PKP4: variants seen among roughly 807,000 people sequenced by gnomAD.
PKP4 encodes plakophilin-4.
In PKP4, 90 loss-of-function variants were observed where a neutral mutation model predicts 145.1. The ratio of observed to expected loss-of-function variants is 0.62; its 90% CI spans 0.52 to 0.74. The LOEUF is 0.74. Ranked by LOEUF, PKP4 falls within the 30% of genes least tolerant of loss-of-function variation. The pLI is 0.00. For synonymous variants in PKP4, 563 were observed against 577.2 expected, an observed-to-expected ratio of 0.98 and a Z score of 0.35; for missense variants, 1,340 against 1,482.7, an observed-to-expected ratio of 0.90 and a Z score of 1.58.
chr2:158,652,533 G>C (rs1479227369), intron 11 of PKP4, among the ~76,000 whole-genome samples: 3 of 152,256 alleles, frequency 2.0e-5, no homozygotes, highest in Admixed American at 6.5e-5. Context: ...GCTAGATCCT[G>C]AGTGTTTCAG....
chr2:158,494,899 A>ATT (rs1695459928), intron 1 of PKP4, among the ~76,000 whole-genome samples: 1 of 151,882 alleles, frequency 6.6e-6, no homozygotes, highest in African/African-American at 2.4e-5. Context: ...AAAGTTGTGC[A>ATT]TTTTTAGTAG....
At chr2:158,656,154 C>T (rs748639568) in intron 11 of PKP4, among the ~76,000 whole-genome samples, 25 of 152,096 alleles carry the variant, frequency 1.6e-4, no homozygotes, top group Non-Finnish European at 3.5e-4. Flanking sequence ...GGATCTGGAG[C>T]CTTACGACCA....
At chr2:158,504,065 CT>C (rs1319084365) in intron 1 of PKP4, among the ~76,000 whole-genome samples, 7 of 145,036 alleles carry the variant, frequency 4.8e-5, no homozygotes, top group Non-Finnish European at 7.5e-5. Context: ...TTTAAAGTTC[CT>C]TTTTAACTTC....
At chr2:158,477,697 A>C (rs982749992) in intron 1 of PKP4, among the ~76,000 whole-genome samples, 3 of 152,128 alleles carry the variant, frequency 2.0e-5, no homozygotes, top group Non-Finnish European at 2.9e-5. Flanking sequence ...AAAATGGTTA[A>C]ATTGGGGCAT....
At chr2:158,566,614 T>C (rs1258580064) in intron 2 of PKP4, among the ~76,000 whole-genome samples, 1 of 152,190 alleles carries the variant, frequency 6.6e-6, no homozygotes, top group East Asian at 1.9e-4. Flanking sequence ...GTTTTTTATA[T>C]TAATTCTACC....
rs542632251 is a variant in PKP4, at chr2:158,576,049, A to G, written c.133-1222A>G. 2.7e-3 allele frequency among the ~76,000 whole-genome samples: 406 copies of G among 152,292 alleles called. 2 individuals are homozygous for G. The highest frequency in any genetic ancestry group is 9.5e-3 in the African/African-American group (396 of 41,570). The stretch of plus-strand genomic sequence containing the variant: ...ATTATTCATCTAGGCCCTGTCCAAT[A>G]CTGCCACACCAGTTGGGATCATTAG... On this transcript the variant is annotated intron_variant, in intron 2 of 21. Coordinates refer to ENST00000389759, the MANE Select transcript of PKP4 (RefSeq NM_003628.6).
chr2:158,664,232 C>G (rs913944205), intron 15 of PKP4, among the ~76,000 whole-genome samples: 2 of 152,178 alleles, frequency 1.3e-5, no homozygotes, highest in African/African-American at 4.8e-5. Flanking sequence ...AGTGGCAGGA[C>G]AGAACACAGG....
chr2:158,540,878 A>G (rs1307140975), intron 2 of PKP4, among the ~76,000 whole-genome samples: 6 of 152,180 alleles, frequency 3.9e-5, no homozygotes, highest in Non-Finnish European at 8.8e-5. Context: ...CTTAAAGCCA[A>G]CCATGACTTT....
At chr2:158,613,978 T>A (rs765242400) in intron 4 of PKP4, among the ~76,000 whole-genome samples, 9 of 152,194 alleles carry the variant, frequency 5.9e-5, no homozygotes, top group African/African-American at 1.9e-4. Context: ...CCTTTCTAAA[T>A]TGAGGGACTT....
chr2:158,675,804 A>AAAAGT (rs1377625125), intron 19 of PKP4, among the ~76,000 whole-genome samples: 2 of 152,194 alleles, frequency 1.3e-5, no homozygotes, highest in African/African-American at 2.4e-5. Context: ...ACTTTTTAGG[A>AAAAGT]AAAGTATTTC....
chr2:158,649,643 G>A (rs1211281275), intron 11 of PKP4, among the ~76,000 whole-genome samples: 1 of 152,206 alleles, frequency 6.6e-6, no homozygotes, highest in Non-Finnish European at 1.5e-5. Context: ...TGTATTTTGA[G>A]TGTAGGCTTC....
rs571969250 is a variant in PKP4 at position 158,618,669 on chromosome 2, T to C, written c.281-2321T>C. On this transcript the variant is annotated intron_variant, in intron 4 of 21. Transcript: ENST00000389759. ...GATTGTTACATGGTTTCTGAGAATATGTTTCATTGAGTGAAAAGACACAAT... is the reference window on the plus strand; with the variant it reads ...GATTGTTACATGGTTTCTGAGAATACGTTTCATTGAGTGAAAAGACACAAT... Among the ~76,000 whole-genome samples the C allele has an allele frequency of 3.9e-5, 6 of 152,174 alleles. No homozygotes were observed. The South Asian group carries it at 1.2e-3, about 32-fold the overall frequency.
At chr2:158,614,700 A>C (rs563119063) in intron 4 of PKP4, among the ~76,000 whole-genome samples, 1 of 152,352 alleles carries the variant, frequency 6.6e-6, no homozygotes, top group Admixed American at 6.5e-5. Flanking sequence ...TCCCAAAAGC[A>C]CATTATATGA....
At chr2:158,522,119 T>C (rs6733579) in intron 1 of PKP4, among the ~76,000 whole-genome samples, 29,503 of 152,122 alleles carry the variant, frequency 0.19, 3,718 homozygotes, top group Middle Eastern at 0.34. Flanking sequence ...GTCCAACTTA[T>C]TTTACTAAAA....
intron 1 of PKP4, among the ~76,000 whole-genome samples, chr2:158,518,325 A>G (rs2042093969): frequency 6.6e-6 from 1 of 152,206 alleles, no homozygotes; most frequent in Admixed American, 6.5e-5. Flanking sequence ...TCCTCTTAAG[A>G]TTTAGCTTCA....
intron 2 of PKP4, 78 bp from the exon 3 acceptor site, chr2:158,577,193 T>C (rs992331856): frequency 7.7e-5 from 64 of 830,426 alleles, no homozygotes; most frequent in Non-Finnish European, 1.2e-4. Flanking sequence ...ATGTTTCCTG[T>C]GACATACATT....
chr2:158,541,860 A>G (rs2044552538), intron 2 of PKP4, among the ~76,000 whole-genome samples: 1 of 152,092 alleles, frequency 6.6e-6, no homozygotes, highest in Non-Finnish European at 1.5e-5. Flanking sequence ...ATTTTCCCCA[A>G]ATCATTCTAA....
At chr2:158,502,874 G>T (rs1696792055) in intron 1 of PKP4, among the ~76,000 whole-genome samples, 2 of 152,198 alleles carry the variant, frequency 1.3e-5, no homozygotes, top group African/African-American at 2.4e-5. Flanking sequence ...AGAATAGTAA[G>T]TTCTCTCTGT....
At chr2:158,628,846 A>C (rs2053067611) in intron 7 of PKP4, among the ~76,000 whole-genome samples, 1 of 152,164 alleles carries the variant, frequency 6.6e-6, no homozygotes, top group Non-Finnish European at 1.5e-5. Flanking sequence ...TGAGGACTCA[A>C]CCGATGTCAG....
Sources: gnomAD v4.1 joint callset for allele counts (sites outside exome capture counted in the v4.1 genomes callset) on GRCh38, gnomAD v4.1.1 for gene constraint, MANE v1.5 for transcripts, NCBI Gene and HGNC (gene_info 2026-07-23, HGNC 2026-07-21) for gene names.